Variants in KRABD5 observed in about 807,000 individuals in gnomAD.
The protein encoded by KRABD5 is KRAB domain containing 5.
At chr16:31,756,671 C>G in the KRABD5 span, 1 of 152,086 alleles carries the variant, frequency 6.6e-6, no homozygotes, top group Non-Finnish European at 1.5e-5. Context: ...TGGGGGTATA[C>G]TTAAATGCCA....
the KRABD5 span, among the ~76,000 whole-genome samples, chr16:31,724,704 GAA>G: frequency 6.9e-6 from 1 of 144,262 alleles, no homozygotes; most frequent in East Asian, 2.0e-4. Flanking sequence ...AAAAAAAAAA[GAA>G]AAAAAAAAAA....
the KRABD5 span, chr16:31,713,289 C>G: frequency 1.7e-6 from 2 of 1,193,202 alleles, no homozygotes; most frequent in East Asian, 5.3e-5. Context: ...AGCTCAGTCT[C>G]TTCACCAGGG....
the KRABD5 span, among the ~76,000 whole-genome samples, chr16:31,747,617 G>A: frequency 0.036 from 5,555 of 152,262 alleles, 274 homozygotes; most frequent in East Asian, 0.11. Flanking sequence ...CAGTGTAAAA[G>A]TGTTCCTATT....
At chr16:31,722,363 G>A in the KRABD5 span, among the ~76,000 whole-genome samples, 10 of 152,146 alleles carry the variant, frequency 6.6e-5, no homozygotes, top group African/African-American at 1.4e-4. Context: ...TACCGCGCCC[G>A]GCCTCGATGC....
At chr16:31,743,226 AT>A in the KRABD5 span, among the ~76,000 whole-genome samples, 13 of 151,884 alleles carry the variant, frequency 8.6e-5, no homozygotes, top group African/African-American at 2.9e-4. Context: ...TATTGCCAAG[AT>A]TTTCTTCTAG....
chr16:31,759,074 A>G, the KRABD5 span: 4 of 297,636 alleles, frequency 1.3e-5, no homozygotes, highest in Non-Finnish European at 2.6e-5. Context: ...AGCAACCACT[A>G]AAAAATGCAA....
chr16:31,734,133 ATG>A, the KRABD5 span, among the ~76,000 whole-genome samples: 3 of 151,876 alleles, frequency 2.0e-5, 1 homozygote, highest in Admixed American at 2.0e-4. Context: ...AATTATATAT[ATG>A]TGTGTGTGTT....
chr16:31,757,377 G>A, the KRABD5 span: 2 of 152,394 alleles, frequency 1.3e-5, no homozygotes, highest in East Asian at 3.9e-4. Context: ...AAAGGCAGGA[G>A]AGTTGCTTGA....
chr16:31,746,430 T>A, the KRABD5 span, among the ~76,000 whole-genome samples: 1 of 152,228 alleles, frequency 6.6e-6, no homozygotes, highest in African/African-American at 2.4e-5. Context: ...TTTAAGAATG[T>A]TGAATATTGG....
chr16:31,746,375 G>A, the KRABD5 span, among the ~76,000 whole-genome samples: 1 of 152,112 alleles, frequency 6.6e-6, no homozygotes, highest in Non-Finnish European at 1.5e-5. Flanking sequence ...CGCTTTTGTA[G>A]CTTAGTTTGG....
At chr16:31,743,927 T>A in the KRABD5 span, among the ~76,000 whole-genome samples, 1 of 152,214 alleles carries the variant, frequency 6.6e-6, no homozygotes, top group East Asian at 1.9e-4. Flanking sequence ...TCTGCTTGTC[T>A]ATTCTTGTTG....
the KRABD5 span, among the ~76,000 whole-genome samples, chr16:31,745,568 A>G: frequency 4.6e-5 from 7 of 152,250 alleles, no homozygotes; most frequent in Admixed American, 2.6e-4. Context: ...AATAAGTGCC[A>G]TCTGGCACCG....
At chr16:31,724,503 C>T in the KRABD5 span, among the ~76,000 whole-genome samples, 2 of 151,128 alleles carry the variant, frequency 1.3e-5, no homozygotes, top group Admixed American at 1.3e-4. Context: ...CTGGCTAACA[C>T]GATGAAACCC....
chr16:31,729,235 A>G, the KRABD5 span, among the ~76,000 whole-genome samples: 1 of 152,346 alleles, frequency 6.6e-6, no homozygotes, highest in South Asian at 2.1e-4. Flanking sequence ...TCATTCAGCC[A>G]CTGTCTGTTT....
the KRABD5 span, chr16:31,755,400 G>T: frequency 4.0e-6 from 2 of 498,862 alleles, no homozygotes; most frequent in Admixed American, 4.3e-5. Flanking sequence ...AAAGAATGTG[G>T]CAAAGCCTTT....
the KRABD5 span, among the ~76,000 whole-genome samples, chr16:31,750,049 G>T: frequency 6.6e-6 from 1 of 152,078 alleles, no homozygotes; most frequent in African/African-American, 2.4e-5. Context: ...ATGAATTTTA[G>T]AATAGTTTTT....
the KRABD5 span, among the ~76,000 whole-genome samples, chr16:31,746,609 C>T: frequency 6.6e-6 from 1 of 152,138 alleles, no homozygotes; most frequent in East Asian, 1.9e-4. Context: ...TTAATGTTCT[C>T]ATGGAGTATC....
chr16:31,754,318 G>A, the KRABD5 span: 2 of 613,448 alleles, frequency 3.3e-6, no homozygotes, highest in South Asian at 2.0e-5. Flanking sequence ...AATATAGAAA[G>A]GTCTTCATTC....
chr16:31,724,070 T>A, the KRABD5 span, among the ~76,000 whole-genome samples: 1 of 152,200 alleles, frequency 6.6e-6, no homozygotes, highest in Non-Finnish European at 1.5e-5. Flanking sequence ...ATGGGAAGCT[T>A]ACAACATTGT....
Sources: gnomAD v4.1 joint callset for allele counts (sites outside exome capture counted in the v4.1 genomes callset) on GRCh38, gnomAD v4.1.1 for gene constraint, MANE v1.5 for transcripts, NCBI Gene and HGNC (gene_info 2026-07-23, HGNC 2026-07-21) for gene names.